CSMD3: variants seen among roughly 807,000 people sequenced by gnomAD.
CSMD3 encodes CUB and sushi domain-containing protein 3.
Under a neutral mutation model 435.2 loss-of-function variants are expected in CSMD3, and 177 were observed. The observed-to-expected ratio is 0.41, with a 90% CI of 0.36 to 0.46. CSMD3 has a LOEUF of 0.46. Among genes scored for constraint, CSMD3 ranks in the 20% least tolerant of loss-of-function variants. CSMD3 has a pLI of 0.34. For synonymous variants in CSMD3, 1,656 were observed against 1,520.5 expected (o/e 1.09, Z -2.07); for missense variants, 4,265 against 4,504.6 (o/e 0.95, Z 1.52).
intron 31 of CSMD3, 126 bp downstream of exon 31, chr8:112,492,363 G>T (rs919683956): frequency 5.2e-6 from 4 of 762,988 alleles, no homozygotes; most frequent in African/African-American, 5.2e-5. Flanking sequence ...TAAAATCTCT[G>T]CATTGCTAGT....
At chr8:112,894,632 T>C (rs1471746440) in intron 10 of CSMD3, among the ~76,000 whole-genome samples, 2 of 151,348 alleles carry the variant, frequency 1.3e-5, no homozygotes, top group Non-Finnish European at 3.0e-5. Context: ...CTGATATATA[T>C]AATTCAATAT....
intron 22 of CSMD3, among the ~76,000 whole-genome samples, chr8:112,599,418 G>A (rs1287705062): frequency 2.0e-5 from 3 of 146,858 alleles, no homozygotes; most frequent in Non-Finnish European, 4.5e-5. Flanking sequence ...TACACTGTTG[G>A]TGGGACTGTA....
At chr8:112,544,612 T>A (rs1454409889) in intron 27 of CSMD3, among the ~76,000 whole-genome samples, 2 of 152,206 alleles carry the variant, frequency 1.3e-5, no homozygotes, top group African/African-American at 4.8e-5. Context: ...TTTAAAAAAA[T>A]TTGTTTCTGG....
chr8:112,290,289 AAAAACTTAAT>A, intron 56 of CSMD3, among the ~76,000 whole-genome samples: 1 of 152,164 alleles, frequency 6.6e-6, no homozygotes. Context: ...ATGAGGACAC[AAAAACTTAAT>A]AAAACCTTTC....
intron 35 of CSMD3, among the ~76,000 whole-genome samples, chr8:112,396,374 G>C (rs1362547563): frequency 6.6e-6 from 1 of 151,874 alleles, no homozygotes; most frequent in Non-Finnish European, 1.5e-5. Flanking sequence ...AACTGTAAAG[G>C]GTAAATGGAG....
At chr8:112,596,253 TC>T (rs1563748005) in intron 22 of CSMD3, among the ~76,000 whole-genome samples, 1 of 151,484 alleles carries the variant, frequency 6.6e-6, no homozygotes, top group Non-Finnish European at 1.5e-5. Context: ...CCAACAAAGA[TC>T]AAAAGAGACA....
At chr8:112,403,631 C>A (rs1329824748) in intron 35 of CSMD3, among the ~76,000 whole-genome samples, 1 of 151,994 alleles carries the variant, frequency 6.6e-6, no homozygotes, top group Non-Finnish European at 1.5e-5. Context: ...CTTCCTCAGA[C>A]TTCTTTTATA....
intron 10 of CSMD3, among the ~76,000 whole-genome samples, chr8:112,864,869 T>G (rs1431382681): frequency 6.6e-6 from 1 of 152,178 alleles, no homozygotes; most frequent in African/African-American, 2.4e-5. Context: ...TATCTTAACT[T>G]TTAGTGCTTT....
At chr8:113,430,091 G>A (rs2094662209) in intron 1 of CSMD3, among the ~76,000 whole-genome samples, 2 of 152,142 alleles carry the variant, frequency 1.3e-5, no homozygotes, top group South Asian at 4.1e-4. Context: ...AGAAGTGAAT[G>A]TGTAAAAGTG....
chr8:113,235,624 A>G lies in CSMD3; in HGVS notation c.514+42968T>C, dbSNP rs1263499712. ...TGATTGGATTAAGGAAGACAGAGAG[A>G]GCTGGTAAAGCATTACTTCTGAGTG... On this transcript the variant is annotated intron_variant, in intron 3 of 70. Transcript: ENST00000297405. Among the ~76,000 whole-genome samples, 3 of 152,252 alleles carry G rather than the reference A, an allele frequency of 2.0e-5. No individual in the cohort carries two copies. In the East Asian group the frequency reaches 5.8e-4, roughly 29 times the overall value.
Position 113,265,344 on chromosome 8 carries a change from C to T in CSMD3, c.514+13248G>A, listed in dbSNP as rs569975363. Among the ~76,000 whole-genome samples the T allele has an allele frequency of 4.0e-5, 6 of 151,328 alleles. 1 individual carries two copies. In the South Asian group the frequency reaches 1.2e-3, roughly 31 times the overall value. On this transcript the variant is annotated intron_variant, in intron 3 of 70. Transcript: ENST00000297405. Reference sequence around the variant, plus strand: ...TTAAGACTGGGTAATTCAAATAATACAGTATATGTATTAACAAAAGTTTGA... The same window carrying T: ...TTAAGACTGGGTAATTCAAATAATATAGTATATGTATTAACAAAAGTTTGA...
chr8:112,977,276 C>T (rs1040079195), intron 6 of CSMD3, among the ~76,000 whole-genome samples: 1 of 151,870 alleles, frequency 6.6e-6, no homozygotes, highest in Admixed American at 6.6e-5. Flanking sequence ...AGTCAGATCC[C>T]GGTTGGAAAA....
chr8:112,241,036 T>A (rs989824895), intron 66 of CSMD3, among the ~76,000 whole-genome samples: 1 of 152,018 alleles, frequency 6.6e-6, no homozygotes, highest in African/African-American at 2.4e-5. Flanking sequence ...TTATCAGGAG[T>A]GTGAAAACGA....
At chr8:112,272,504 T>G (rs1262924757) in intron 59 of CSMD3, among the ~76,000 whole-genome samples, 1 of 152,136 alleles carries the variant, frequency 6.6e-6, no homozygotes, top group Non-Finnish European at 1.5e-5. Flanking sequence ...ACACTTGAAA[T>G]TAGCCTTCTA....
At chr8:112,960,865 C>T (rs2084200634) in intron 7 of CSMD3, among the ~76,000 whole-genome samples, 1 of 151,556 alleles carries the variant, frequency 6.6e-6, no homozygotes, top group South Asian at 2.1e-4. Flanking sequence ...TCGTAATGTA[C>T]TCTCCATTTA....
chr8:113,420,245 T>G (rs1267330047), intron 1 of CSMD3, among the ~76,000 whole-genome samples: 1 of 152,090 alleles, frequency 6.6e-6, no homozygotes, highest in East Asian at 1.9e-4. Context: ...GTTTTCAAAT[T>G]AGAAATAACA....
rs185691331 is a variant in CSMD3 at position 113,039,617 on chromosome 8, A to G, written c.918-20438T>C. ...TTTGTGTTTTGTCTTTTAGAAAGAG[A>G]AGAAAAAAATAAAAGCACATAAGTG... On this transcript the variant is annotated intron_variant, in intron 5 of 70. Coordinates refer to ENST00000297405, the MANE Select transcript of CSMD3 (RefSeq NM_198123.2). 8.5e-5 allele frequency among the ~76,000 whole-genome samples: 13 copies of G among 152,258 alleles called. No individual in the cohort carries two copies. The East Asian group carries it at 2.3e-3, about 27-fold the overall frequency.
chr8:113,394,855 G>C (rs886552722), intron 1 of CSMD3, among the ~76,000 whole-genome samples: 1 of 152,154 alleles, frequency 6.6e-6, no homozygotes, highest in Non-Finnish European at 1.5e-5. Flanking sequence ...AAGGTACTAG[G>C]AAGGATTTTG....
At chr8:112,533,886 G>C (rs775693596) in intron 27 of CSMD3, among the ~76,000 whole-genome samples, 2 of 151,972 alleles carry the variant, frequency 1.3e-5, no homozygotes, top group Non-Finnish European at 1.5e-5. Flanking sequence ...AACAAGTCTT[G>C]ACAAATTCCA....
Sources: allele counts gnomAD v4.1 joint callset (sites outside exome capture counted in the v4.1 genomes callset), GRCh38; gene constraint gnomAD v4.1.1; transcripts MANE v1.5; gene names NCBI Gene and HGNC (gene_info 2026-07-23, HGNC 2026-07-21).